Variants in RBFOX1 observed in about 807,000 individuals in gnomAD.
RBFOX1 encodes RNA binding protein fox-1 homolog 1.
In RBFOX1, 8 loss-of-function variants were observed where a neutral mutation model predicts 57.7. That is an observed-to-expected ratio of 0.14 (90% CI 0.08 to 0.25). The LOEUF (loss-of-function observed/expected upper bound fraction) is 0.25. Among genes scored for constraint, RBFOX1 ranks in the 10% least tolerant of loss-of-function variants. RBFOX1 has a pLI of 1.00. For missense variants in RBFOX1, 611 were observed against 548.5 expected (o/e 1.11, Z -1.14); for synonymous variants, 326 against 222.4 (o/e 1.47, Z -4.15).
chr16:6,790,881 G>A (rs1439335019), intron 3 of RBFOX1, among the ~76,000 whole-genome samples: 2 of 151,880 alleles, frequency 1.3e-5, no homozygotes, highest in African/African-American at 4.8e-5. Flanking sequence ...GTAAAGGATG[G>A]TATTTGTGTG....
chr16:6,582,856 A>AGT (rs1555574464), intron 2 of RBFOX1, among the ~76,000 whole-genome samples: 2 of 104,218 alleles, frequency 1.9e-5, no homozygotes, highest in Non-Finnish European at 4.4e-5. Context: ...TTCAACAGAA[A>AGT]CAACTGAGCT....
intron 1 of RBFOX1, among the ~76,000 whole-genome samples, chr16:5,411,263 G>C (rs1052671524): frequency 6.6e-6 from 1 of 152,214 alleles, no homozygotes; most frequent in African/African-American, 2.4e-5. Context: ...TAAGGATTTT[G>C]AGATGGGAGG....
intron 1 of RBFOX1, among the ~76,000 whole-genome samples, chr16:6,178,286 A>T (rs1288792840): frequency 6.8e-6 from 1 of 147,240 alleles, no homozygotes. Flanking sequence ...TCCCAGGTTC[A>T]AGTGATTCTC....
intron 3 of RBFOX1, among the ~76,000 whole-genome samples, chr16:6,836,202 T>C (rs978599030): frequency 2.0e-5 from 3 of 152,224 alleles, no homozygotes; most frequent in African/African-American, 4.8e-5. Context: ...TCATTTTCTT[T>C]TCTCATCGTT....
intron 12 of RBFOX1, 67 bp downstream of exon 12, chr16:7,654,014 G>A (rs896478896): frequency 6.3e-6 from 9 of 1,426,412 alleles, no homozygotes; most frequent in Non-Finnish European, 6.4e-6. Flanking sequence ...GCACGGAGCT[G>A]TTTGCGAGCG....
At chr16:6,541,814 G>A (rs1197015744) in intron 2 of RBFOX1, among the ~76,000 whole-genome samples, 1 of 152,150 alleles carries the variant, frequency 6.6e-6, no homozygotes, top group Non-Finnish European at 1.5e-5. Flanking sequence ...GAAGAGGTGA[G>A]CGAAAAAGAC....
At chr16:6,273,643 G>C (rs764599602) in intron 1 of RBFOX1, among the ~76,000 whole-genome samples, 13 of 152,004 alleles carry the variant, frequency 8.6e-5, no homozygotes, top group Non-Finnish European at 1.6e-4. Flanking sequence ...ACCATGCTTG[G>C]CCTAGAGTTC....
intron 6 of RBFOX1, among the ~76,000 whole-genome samples, chr16:7,585,146 G>A (rs942775802): frequency 7.9e-5 from 12 of 152,128 alleles, no homozygotes; most frequent in East Asian, 3.9e-4. Flanking sequence ...ATATGATAGC[G>A]TCTGTGGAGA....
chr16:5,368,136 G>A (rs2065771195), intron 1 of RBFOX1, among the ~76,000 whole-genome samples: 1 of 152,234 alleles, frequency 6.6e-6, no homozygotes, highest in Non-Finnish European at 1.5e-5. Context: ...ATTCCCTGAT[G>A]TCATATCCAA....
chr16:6,823,025 A>G (rs1224437090), intron 3 of RBFOX1, among the ~76,000 whole-genome samples: 1 of 152,110 alleles, frequency 6.6e-6, no homozygotes, highest in African/African-American at 2.4e-5. Context: ...TATGTGCATT[A>G]TTCTGATGTC....
At chr16:5,943,797 C>T (rs1182950495) in intron 4 of RBFOX1, among the ~76,000 whole-genome samples, 1 of 152,148 alleles carries the variant, frequency 6.6e-6, no homozygotes, top group Non-Finnish European at 1.5e-5. Context: ...ATTAATTTAT[C>T]TATTCACCCA....
intron 4 of RBFOX1, among the ~76,000 whole-genome samples, chr16:7,196,410 C>G (rs569356711): frequency 2.0e-5 from 3 of 152,286 alleles, no homozygotes; most frequent in East Asian, 3.9e-4. Context: ...CTTAGCAGCA[C>G]AAAATCAAGA....
intron 4 of RBFOX1, among the ~76,000 whole-genome samples, chr16:7,317,145 G>C (rs558923047): frequency 1.3e-5 from 2 of 152,216 alleles, no homozygotes; most frequent in African/African-American, 4.8e-5. Context: ...CGATACTACT[G>C]GTGCAAGCTG....
intron 2 of RBFOX1, among the ~76,000 whole-genome samples, chr16:6,426,687 G>T (rs533407790): frequency 9.2e-5 from 14 of 152,322 alleles, no homozygotes; most frequent in African/African-American, 3.1e-4. Context: ...GACCGGCAGA[G>T]AGGCCCCTAT....
intron 12 of RBFOX1, among the ~76,000 whole-genome samples, chr16:7,654,595 T>G (rs971494757): frequency 2.0e-5 from 3 of 152,084 alleles, no homozygotes; most frequent in Non-Finnish European, 4.4e-5. Flanking sequence ...CAGACTTTGA[T>G]ATTGCCAGGC....
chr16:6,260,092 C>T (rs992455077), intron 1 of RBFOX1, among the ~76,000 whole-genome samples: 10 of 152,112 alleles, frequency 6.6e-5, no homozygotes, highest in African/African-American at 2.4e-4. Flanking sequence ...TAAATAGCCA[C>T]CACTGTAAAT....
intron 12 of RBFOX1, chr16:7,664,693 C>G (rs1002221950): frequency 1.6e-6 from 1 of 625,802 alleles, no homozygotes. Flanking sequence ...AGTTTGGGAC[C>G]TAGCACACCG....
chr16:6,333,256 G>A (rs1051016893), intron 2 of RBFOX1, among the ~76,000 whole-genome samples: 4 of 152,132 alleles, frequency 2.6e-5, no homozygotes, highest in African/African-American at 9.7e-5. Flanking sequence ...TGTTGGCCAG[G>A]CTGGTCTTGA....
rs1333884976 is a variant in RBFOX1, at chr16:5,568,972, C to T, written c.259-29930C>T. The stretch of plus-strand genomic sequence containing the variant: ...TCTCCTGCCTCAGCCTCCTGAGTAG[C>T]TGATATTACAGGCACATGCCACCAC... On this transcript the variant is annotated intron_variant, in intron 2 of 2. Coordinates refer to the RBFOX1 transcript ENST00000585867. 4.0e-5 allele frequency among the ~76,000 whole-genome samples: 6 copies of T among 151,720 alleles called. No homozygotes were observed. The East Asian group carries it at 9.7e-4, about 25-fold the overall frequency.
Sources: gnomAD v4.1 joint callset for allele counts (sites outside exome capture counted in the v4.1 genomes callset) on GRCh38, gnomAD v4.1.1 for gene constraint, MANE v1.5 for transcripts, NCBI Gene and HGNC (gene_info 2026-07-23, HGNC 2026-07-21) for gene names.